TRAM2: variants seen among roughly 807,000 people sequenced by gnomAD.
TRAM2 encodes the protein translocating chain-associated membrane protein 2.
In TRAM2, 12 loss-of-function variants were observed where a neutral mutation model predicts 51.0. That is an observed-to-expected ratio of 0.24 (90% CI 0.15 to 0.38). TRAM2 has a LOEUF of 0.38. Ranked by LOEUF, TRAM2 falls within the 10% of genes least tolerant of loss-of-function variation. The pLI is 1.00. For missense variants in TRAM2, 361 were observed against 462.0 expected, an observed-to-expected ratio of 0.78 and a Z score of 2.00; for synonymous variants, 175 against 179.4, an observed-to-expected ratio of 0.98 and a Z score of 0.20.
At chr6:52,527,082 GA>G (rs1206250232) in intron 2 of TRAM2, among the ~76,000 whole-genome samples, 4 of 150,560 alleles carry the variant, frequency 2.7e-5, no homozygotes, top group Non-Finnish European at 4.4e-5. Context: ...CAACTGATTA[GA>G]AAAAAAAATT....
At chr6:52,515,872 A>T in intron 4 of TRAM2, 134 bp downstream of exon 4, 1 of 741,648 alleles carries the variant, frequency 1.3e-6, no homozygotes, top group East Asian at 2.5e-5. Context: ...AGAAGGTTCT[A>T]AGAAACTTGT....
rs117132595 is a variant in TRAM2, at chr6:52,571,432, G to A, written c.120+5364C>T. On this transcript the variant is annotated intron_variant, in intron 1 of 10. Coordinates refer to ENST00000182527, the MANE Select transcript of TRAM2 (RefSeq NM_012288.4). ...GGGACTAAGGCACTCTGTTGTGACC[G>A]GTCCGGACAGCGCCCTCGAGAAACG... Among the ~76,000 whole-genome samples the A allele has an allele frequency of 5.0e-3, 767 of 152,272 alleles. 10 individuals carry two copies. The highest frequency in any genetic ancestry group is 0.015 in the African/African-American group (619 of 41,542).
chr6:52,573,175 G>A (rs987910478), intron 1 of TRAM2, among the ~76,000 whole-genome samples: 13 of 151,996 alleles, frequency 8.6e-5, no homozygotes, highest in Non-Finnish European at 1.8e-4. Context: ...TTCTCCATTC[G>A]CTAATCAAAG....
chr6:52,542,647 A>G (rs1767125033), intron 1 of TRAM2, among the ~76,000 whole-genome samples: 1 of 152,334 alleles, frequency 6.6e-6, no homozygotes, highest in African/African-American at 2.4e-5. Context: ...ATTCTCTACA[A>G]GCCTGTGATC....
At position 52,503,169 on chromosome 6, in the gene TRAM2, G is replaced by T; in HGVS notation, c.*28C>A. ...TTGCCCCCTGCTCGGCCCCCACCAAGAGGATTCCTGTTCTTAGCACTTTGG... is the reference window on the plus strand; with the variant it reads ...TTGCCCCCTGCTCGGCCCCCACCAATAGGATTCCTGTTCTTAGCACTTTGG... On this transcript the variant is annotated 3_prime_UTR_variant, in exon 11 of 11. Coordinates refer to ENST00000182527, the MANE Select transcript of TRAM2 (RefSeq NM_012288.4). The T allele has an allele frequency of 6.2e-7, 1 of 1,603,984 alleles. No homozygotes were observed. The highest frequency in any genetic ancestry group is 8.5e-7 in the Non-Finnish European group (1 of 1,170,856).
At chr6:52,536,490 A>G (rs990145819) in intron 1 of TRAM2, among the ~76,000 whole-genome samples, 1 of 152,228 alleles carries the variant, frequency 6.6e-6, no homozygotes, top group Non-Finnish European at 1.5e-5. Context: ...CCAAATCAGT[A>G]CTGTGACAGT....
rs1161207399 is a variant in TRAM2, at chr6:52,527,483, G to A, written c.184+8300C>T. Among the ~76,000 whole-genome samples the A allele has an allele frequency of 1.3e-4, 19 of 151,968 alleles. No homozygotes were observed. In the South Asian group the frequency reaches 2.9e-3, roughly 23 times the overall value. On this transcript the variant is annotated intron_variant, in intron 2 of 10. Coordinates refer to ENST00000182527, the MANE Select transcript of TRAM2 (RefSeq NM_012288.4). The stretch of plus-strand genomic sequence containing the variant: ...GAAAGTGAAATTCAAGTAAAGATGT[G>A]GGGTGGGGTCCAGGTCAGAAAGGGT...
intron 2 of TRAM2, chr6:52,522,809 T>C: frequency 1.5e-6 from 1 of 673,746 alleles, no homozygotes; most frequent in South Asian, 1.6e-5. Flanking sequence ...GCTGTCCCTT[T>C]TGGGGAGTCA....
At chr6:52,539,948 G>A (rs1767048018) in intron 1 of TRAM2, among the ~76,000 whole-genome samples, 1 of 151,978 alleles carries the variant, frequency 6.6e-6, no homozygotes, top group Non-Finnish European at 1.5e-5. Context: ...GACTACAGAT[G>A]AATGCTTAAC....
At chr6:52,545,692 A>C (rs1767186881) in intron 1 of TRAM2, among the ~76,000 whole-genome samples, 1 of 147,410 alleles carries the variant, frequency 6.8e-6, no homozygotes, top group Admixed American at 7.0e-5. Context: ...AACCAACCCC[A>C]AGTGCTGTTT....
chr6:52,516,558 C>T, intron 3 of TRAM2, 70 bp downstream of exon 3: 1 of 1,328,580 alleles, frequency 7.5e-7, no homozygotes, highest in Non-Finnish European at 1.1e-6. Context: ...GCAGTTTCCT[C>T]CAAGGCCAGG....
intron 1 of TRAM2, among the ~76,000 whole-genome samples, chr6:52,540,036 T>G (rs1017677196): frequency 3.3e-5 from 5 of 152,040 alleles, no homozygotes; most frequent in South Asian, 4.2e-4. Flanking sequence ...CCAGTATTTT[T>G]CCATCCCTAG....
chr6:52,508,309 C>G lies in TRAM2; in HGVS notation c.480G>C (p.Val160=). 6 of 1,613,698 alleles carry G rather than the reference C, an allele frequency of 3.7e-6. No individual in the cohort carries two copies. Among genetic ancestry groups the G allele is most frequent in the Non-Finnish European group, 5.1e-6 (6 of 1,180,010 alleles). Residue 160 remains valine (V), a synonymous_variant, in exon 6 of 11, where the codon GTG becomes GTC. Transcript: ENST00000182527. The stretch of plus-strand genomic sequence containing the variant: ...CCAGCTGGCATAGGTAGAAAAACTT[C>G]ACCTGGAAGCTGGAGACAAGGGGGC... ...DYPHVHLPFQ[V]KFFYLCQLAY...
intron 1 of TRAM2, among the ~76,000 whole-genome samples, chr6:52,561,894 C>T (rs941438691): frequency 1.3e-5 from 2 of 152,198 alleles, no homozygotes; most frequent in African/African-American, 4.8e-5. Context: ...AGGCGTGAGC[C>T]ACCAGGCCAG....
intron 2 of TRAM2, among the ~76,000 whole-genome samples, chr6:52,527,270 C>T (rs551858425): frequency 4.0e-5 from 6 of 150,692 alleles, no homozygotes; most frequent in Non-Finnish European, 5.9e-5. Context: ...CCTTGCTACT[C>T]GGGAGGCTGA....
intron 2 of TRAM2, among the ~76,000 whole-genome samples, chr6:52,531,809 T>C (rs1374651417): frequency 6.6e-6 from 1 of 152,224 alleles, no homozygotes; most frequent in African/African-American, 2.4e-5. Flanking sequence ...CATCACCCTG[T>C]TACAACTACA....
At chr6:52,543,651 G>A (rs1227704137) in intron 1 of TRAM2, among the ~76,000 whole-genome samples, 2 of 152,234 alleles carry the variant, frequency 1.3e-5, no homozygotes, top group South Asian at 2.1e-4. Flanking sequence ...CCTCACCGGT[G>A]TAGCACAGTG....
intron 4 of TRAM2, among the ~76,000 whole-genome samples, chr6:52,510,458 C>G (rs1304632431): frequency 6.6e-6 from 1 of 152,130 alleles, no homozygotes; most frequent in Non-Finnish European, 1.5e-5. Context: ...CTGTAGCAGC[C>G]CAAAAGGCAC....
chr6:52,503,132 G>T lies in TRAM2; in HGVS notation c.*65C>A. The T allele has an allele frequency of 7.3e-7, 1 of 1,364,598 alleles. No homozygotes were observed. The highest frequency in any genetic ancestry group is 1.0e-6 in the Non-Finnish European group (1 of 953,054). The allele number at this position is 1,364,598 out of a possible 1,614,324, so 84.5% of individuals were successfully genotyped here. Reference sequence around the variant, plus strand: ...GGCAGGAAGGAGGAGGCAGGGAGGGGGCCTGGGCTCCTTGCCCCCTGCTCG... The same window carrying T: ...GGCAGGAAGGAGGAGGCAGGGAGGGTGCCTGGGCTCCTTGCCCCCTGCTCG... On this transcript the variant is annotated 3_prime_UTR_variant, in exon 11 of 11. Transcript: ENST00000182527.
Sources: allele counts gnomAD v4.1 joint callset (sites outside exome capture counted in the v4.1 genomes callset), GRCh38; gene constraint gnomAD v4.1.1; transcripts MANE v1.5; gene names NCBI Gene and HGNC (gene_info 2026-07-23, HGNC 2026-07-21).